The following HIPK1 variants were observed in gnomAD, a reference collection of about 807,000 sequenced individuals.
HIPK1 encodes homeodomain-interacting protein kinase 1.
Under a neutral mutation model 117.1 loss-of-function variants are expected in HIPK1, and 28 were observed. That is an observed-to-expected ratio of 0.24 (90% CI 0.18 to 0.33). HIPK1 has a LOEUF of 0.33. HIPK1 is among the 10% of genes least tolerant of loss of function. HIPK1 has a pLI of 1.00. For missense variants in HIPK1, 1,122 were observed against 1,475.1 expected, an observed-to-expected ratio of 0.76 and a Z score of 3.92; for synonymous variants, 605 against 562.5, an observed-to-expected ratio of 1.08 and a Z score of -1.07.
intron 11 of HIPK1, among the ~76,000 whole-genome samples, chr1:113,967,415 A>G (rs917035874): frequency 6.6e-6 from 1 of 152,140 alleles, no homozygotes. Context: ...GATATAAGCC[A>G]TTTTAACTGG....
intron 2 of HIPK1, among the ~76,000 whole-genome samples, chr1:113,945,196 T>C (rs1237073122): frequency 6.6e-6 from 1 of 152,186 alleles, no homozygotes; most frequent in Non-Finnish European, 1.5e-5. Flanking sequence ...TTTGGAGAAA[T>C]GTCTATTTAA....
At chr1:113,962,575 C>A in intron 9 of HIPK1, 137 bp downstream of exon 9, 1 of 767,178 alleles carries the variant, frequency 1.3e-6, no homozygotes, top group Non-Finnish European at 2.0e-6. Flanking sequence ...AATGAAACAT[C>A]TCTATGGAAC....
In HIPK1 at chr1:113,958,126, G is replaced by C; in HGVS notation, c.1816G>C (p.Asp606His). ...TGCTACTCTTTCTCTGGCTAATTCAGATGTCTCACTACTAAACTACCAGTC... is the reference window on the plus strand; with the variant it reads ...TGCTACTCTTTCTCTGGCTAATTCACATGTCTCACTACTAAACTACCAGTC... ...AAATLSLANSDVSLLNYQSAL... is the reference protein window; with the variant it reads ...AAATLSLANSHVSLLNYQSAL... Residue 606 changes from aspartate to histidine, a missense_variant, in exon 8 of 16, where the codon GAT (aspartate) becomes CAT (histidine). Asp to His is a moderately conservative substitution (Grantham distance 81). Coordinates refer to ENST00000426820, the MANE Select transcript of HIPK1 (RefSeq NM_198268.3). 1 of 1,614,140 alleles carries C rather than the reference G, an allele frequency of 6.2e-7. No individual in the cohort carries two copies. Among genetic ancestry groups the C allele is most frequent in the Non-Finnish European group, 8.5e-7 (1 of 1,180,014 alleles).
Position 113,967,746 on chromosome 1 carries a change from C to G in HIPK1, c.2382-20C>G, listed in dbSNP as rs1027698926. 1 of 1,465,498 alleles carries G rather than the reference C, an allele frequency of 6.8e-7. No homozygotes were observed. The highest frequency in any genetic ancestry group is 9.0e-7 in the Non-Finnish European group (1 of 1,107,024). 90.8% of individuals were successfully genotyped at this position (1,465,498 alleles called of 1,614,324 possible). A position where few individuals can be genotyped will look rare whatever the true frequency, so the allele number is the denominator to read the frequency against. ...CAGTGGTTTTGGAATTCACTCTTCTCTTTCTTTCTGTTGGTACAGGAATGC... is the reference window on the plus strand; with the variant it reads ...CAGTGGTTTTGGAATTCACTCTTCTGTTTCTTTCTGTTGGTACAGGAATGC... On this transcript the variant is annotated intron_variant, in intron 11 of 15. Transcript: ENST00000426820.
At chr1:113,960,379 A>G (rs1038681532) in intron 8 of HIPK1, among the ~76,000 whole-genome samples, 1 of 152,156 alleles carries the variant, frequency 6.6e-6, no homozygotes, top group Non-Finnish European at 1.5e-5. Context: ...TACAATAGCA[A>G]TCTAATACAT....
chr1:113,970,201 A>G lies in HIPK1; in HGVS notation c.3013+4A>G, dbSNP rs771175763. 5 of 1,613,696 alleles carry G rather than the reference A, an allele frequency of 3.1e-6. No homozygotes were observed. The highest frequency in any genetic ancestry group is 4.2e-6 in the Non-Finnish European group (5 of 1,179,580). The stretch of plus-strand genomic sequence containing the variant: ...ACTGTAGCAACCCAGGCCTCAGGTC[A>G]GTGTTATCTTCACAGCTTGAGTTGA... On this transcript the variant is annotated splice_donor_region_variant and intron_variant, in intron 14 of 15. Coordinates refer to ENST00000426820, the MANE Select transcript of HIPK1 (RefSeq NM_198268.3).
At position 113,955,768 on chromosome 1, in the gene HIPK1, A is replaced by AAAATGCATT; in HGVS notation, c.1407+122_1407+130dup. ...TAGTATTTGTTTTCAGTTTTTATAA[A>AAAATGCATT]AAATGCATTAATATTCCACCATGTA... On this transcript the variant is annotated intron_variant, in intron 5 of 15. Coordinates refer to ENST00000426820, the MANE Select transcript of HIPK1 (RefSeq NM_198268.3). The AAAATGCATT allele has an allele frequency of 5.2e-6, 3 of 572,550 alleles. 1 individual carries two copies. In the East Asian group the frequency reaches 8.5e-5, roughly 16 times the overall value. The allele number at this position is 572,550 out of a possible 1,614,324, so 35.5% of individuals were successfully genotyped here.
At chr1:113,942,657 T>C (rs1251166984) in intron 2 of HIPK1, among the ~76,000 whole-genome samples, 4 of 152,190 alleles carry the variant, frequency 2.6e-5, no homozygotes, top group Admixed American at 1.3e-4. Context: ...GATATATATT[T>C]CTAGATTGAT....
chr1:113,957,783 A>G (rs1558140141), intron 7 of HIPK1, among the ~76,000 whole-genome samples: 1 of 151,534 alleles, frequency 6.6e-6, no homozygotes, highest in Non-Finnish European at 1.5e-5. Flanking sequence ...ATTTGGTGGG[A>G]TCTTCCATCC....
chr1:113,956,379 C>T (rs1671727355), intron 5 of HIPK1, among the ~76,000 whole-genome samples: 1 of 151,932 alleles, frequency 6.6e-6, no homozygotes, highest in Non-Finnish European at 1.5e-5. Flanking sequence ...GCGCCCAGCC[C>T]CCAAATTTTT....
intron 1 of HIPK1, among the ~76,000 whole-genome samples, chr1:113,932,591 C>G (rs543837260): frequency 6.6e-5 from 10 of 152,160 alleles, no homozygotes; most frequent in African/African-American, 2.2e-4. Context: ...GTTGGCCAGG[C>G]TGGTCTCAGA....
chr1:113,965,331 C>G (rs2101446617), intron 10 of HIPK1, among the ~76,000 whole-genome samples: 1 of 151,900 alleles, frequency 6.6e-6, no homozygotes, highest in South Asian at 2.1e-4. Context: ...GGAAGAAGTA[C>G]AGAAAACATT....
intron 11 of HIPK1, 109 bp from the exon 12 acceptor site, chr1:113,967,656 TA>T (rs1433161643): frequency 4.4e-6 from 3 of 680,790 alleles, no homozygotes; most frequent in East Asian, 3.0e-5. Context: ...TGCTCAACTT[TA>T]AAAAAATAAA....
rs544665980 is a variant in HIPK1, at chr1:113,948,767, T to C, written c.1077-3999T>C. Among the ~76,000 whole-genome samples the C allele has an allele frequency of 1.7e-4, 26 of 152,066 alleles. 1 individual carries two copies. The South Asian group carries it at 5.2e-3, about 30-fold the overall frequency. The stretch of plus-strand genomic sequence containing the variant: ...TTTTAATTAAATGGGACTTGGGGGC[T>C]GTGGAAGTGATATTTTCCTTAATTT... On this transcript the variant is annotated intron_variant, in intron 2 of 15. Coordinates refer to ENST00000426820, the MANE Select transcript of HIPK1 (RefSeq NM_198268.3).
chr1:113,957,854 CG>C (rs1198340475), intron 7 of HIPK1, among the ~76,000 whole-genome samples: 6 of 149,542 alleles, frequency 4.0e-5, no homozygotes, highest in South Asian at 2.1e-4. Flanking sequence ...TAGGACCATT[CG>C]TTTTTTTTTT....
At chr1:113,961,535 A>T (rs1243459319) in intron 8 of HIPK1, among the ~76,000 whole-genome samples, 1 of 152,356 alleles carries the variant, frequency 6.6e-6, no homozygotes, top group East Asian at 1.9e-4. Context: ...AACTTAGATT[A>T]TAAATTATTG....
chr1:113,940,837 G>A lies in HIPK1; in HGVS notation c.454G>A (p.Val152Met). 1 of 1,614,122 alleles carries A rather than the reference G, an allele frequency of 6.2e-7. No homozygotes were observed. The highest frequency in any genetic ancestry group is 1.1e-5 in the South Asian group (1 of 91,084). Residue 152 changes from valine to methionine, a missense_variant, in exon 2 of 16, where the codon GTG (valine) becomes ATG (methionine). Physicochemically the swap from Val to Met is conservative, Grantham distance 21 (BLOSUM62 1). This residue lies in a region of HIPK1 where 192 missense variants were observed against 234.0 expected (regional missense o/e 0.82). Transcript: ENST00000426820. ...HPPLMLQNRT[V>M]VGAAATTTTV... ...CCCTCTCATGCTGCAAAACAGGACTGTGGTGGGTGCTGCTGCCACAACCAC... is the reference window on the plus strand; with the variant it reads ...CCCTCTCATGCTGCAAAACAGGACTATGGTGGGTGCTGCTGCCACAACCAC...
At chr1:113,936,949 C>G (rs187170934) in intron 1 of HIPK1, among the ~76,000 whole-genome samples, 2 of 152,230 alleles carry the variant, frequency 1.3e-5, no homozygotes, top group East Asian at 1.9e-4. Context: ...AGAAAATTTG[C>G]TTCCTTTTGT....
chr1:113,946,900 G>C (rs1288590536), intron 2 of HIPK1, among the ~76,000 whole-genome samples: 1 of 152,150 alleles, frequency 6.6e-6, no homozygotes, highest in Non-Finnish European at 1.5e-5. Context: ...AGCAGCTCAG[G>C]CATTCCTTCT....
Sources: gnomAD v4.1 joint callset for allele counts (sites outside exome capture counted in the v4.1 genomes callset) on GRCh38, gnomAD v4.1.1 for gene constraint, gnomAD v4.1.1 regional missense constraint, MANE v1.5 for transcripts, NCBI Gene and HGNC (gene_info 2026-07-23, HGNC 2026-07-21) for gene names.